Variants in SUCLG2 observed in about 807,000 individuals in gnomAD.
The protein encoded by SUCLG2 is succinate-CoA ligase GDP-forming subunit beta, also known as succinate--CoA ligase [GDP-forming] subunit beta, mitochondrial.
Under a neutral mutation model 47.9 loss-of-function variants are expected in SUCLG2, and 42 were observed. That is an observed-to-expected ratio of 0.88 (90% CI 0.69 to 1.14). The LOEUF is 1.14. Ranked by LOEUF, SUCLG2 falls within the 50% of genes most tolerant of loss-of-function variation. The pLI is 0.00. For missense variants in SUCLG2, 571 were observed against 525.9 expected, an observed-to-expected ratio of 1.09 and a Z score of -0.84; for synonymous variants, 195 against 197.3, an observed-to-expected ratio of 0.99 and a Z score of 0.10.
chr3:67,585,976 A>C (rs1047948150), intron 2 of SUCLG2, among the ~76,000 whole-genome samples: 8 of 87,094 alleles, frequency 9.2e-5, no homozygotes, highest in South Asian at 7.5e-4. Context: ...CAAAAAAAAA[A>C]AAAAAAAAAA....
intron 9 of SUCLG2, 147 bp downstream of exon 9, chr3:67,495,651 C>CA (rs57812170): frequency 0.42 from 270,457 of 649,502 alleles, 24,217 homozygotes; most frequent in Admixed American, 0.51. Context: ...GACTCCGTCT[C>CA]AAAAAAAAAA....
intron 2 of SUCLG2, among the ~76,000 whole-genome samples, chr3:67,568,123 C>T (rs375424286): frequency 1.4e-4 from 21 of 152,278 alleles, no homozygotes; most frequent in African/African-American, 5.1e-4. Context: ...ATTAGAGTCA[C>T]TGAACTGGTT....
chr3:67,410,149 C>G (rs1702903068), intron 9 of SUCLG2, among the ~76,000 whole-genome samples: 1 of 152,146 alleles, frequency 6.6e-6, no homozygotes, highest in Non-Finnish European at 1.5e-5. Flanking sequence ...TGTTCAGGAG[C>G]TGGTATGTTT....
rs571387206 is a variant in SUCLG2, at chr3:67,615,018, CG to C, written c.85-5423del. ...CTTGCCATCATTCCCTTCCTTCCTG[CG>C]TTTCTTTGATAGAGCAAACATTTCT... On this transcript the variant is annotated intron_variant, in intron 1 of 10. Transcript: ENST00000307227. Among the ~76,000 whole-genome samples the C allele has an allele frequency of 1.4e-3, 216 of 152,154 alleles. 3 individuals are homozygous for C. The highest frequency in any genetic ancestry group is 5.1e-3 in the African/African-American group (210 of 41,520).
intron 2 of SUCLG2, among the ~76,000 whole-genome samples, chr3:67,535,555 T>G (rs982980053): frequency 1.1e-4 from 17 of 152,020 alleles, no homozygotes; most frequent in African/African-American, 4.1e-4. Context: ...CCCTTATGAA[T>G]AGATTACCTG....
In SUCLG2 at chr3:67,540,638, T is replaced by C. The variant is rs371350399; in HGVS notation, c.227-11452A>G. Reference sequence around the variant, plus strand: ...GGCACAGCTTCAGCAAACTTAAAAGTTCCTGCCTCCCGGCTCTGAATAGAG... The same window carrying C: ...GGCACAGCTTCAGCAAACTTAAAAGCTCCTGCCTCCCGGCTCTGAATAGAG... On this transcript the variant is annotated intron_variant, in intron 2 of 10. Coordinates refer to ENST00000307227, the MANE Select transcript of SUCLG2 (RefSeq NM_003848.4). Among the ~76,000 whole-genome samples the C allele has an allele frequency of 7.2e-5, 11 of 152,280 alleles. No homozygotes were observed. The South Asian group carries it at 2.3e-3, about 32-fold the overall frequency.
At chr3:67,512,915 C>G (rs1233072135) in intron 6 of SUCLG2, among the ~76,000 whole-genome samples, 1 of 150,514 alleles carries the variant, frequency 6.6e-6, no homozygotes, top group Non-Finnish European at 1.5e-5. Flanking sequence ...ACACACACCC[C>G]CCTCTATATA....
At chr3:67,632,367 G>C (rs1700942443) in intron 1 of SUCLG2, among the ~76,000 whole-genome samples, 1 of 152,088 alleles carries the variant, frequency 6.6e-6, no homozygotes, top group African/African-American at 2.4e-5. Context: ...ATTTTTAGTA[G>C]AAGCGGGGTT....
chr3:67,487,986 C>T (rs1181107634), intron 9 of SUCLG2, among the ~76,000 whole-genome samples: 1 of 151,704 alleles, frequency 6.6e-6, no homozygotes, highest in Non-Finnish European at 1.5e-5. Flanking sequence ...ACCATTCCGC[C>T]ACTGAAAATG....
intron 9 of SUCLG2, among the ~76,000 whole-genome samples, chr3:67,406,946 A>T (rs1451861905): frequency 6.6e-6 from 1 of 152,222 alleles, no homozygotes; most frequent in Non-Finnish European, 1.5e-5. Flanking sequence ...ACACTGTTTC[A>T]CCACAGCACA....
At chr3:67,498,619 T>A (rs1313148212) in intron 7 of SUCLG2, among the ~76,000 whole-genome samples, 2 of 152,158 alleles carry the variant, frequency 1.3e-5, no homozygotes, top group Admixed American at 6.5e-5. Context: ...GATTCATTAT[T>A]TTTATTATAT....
chr3:67,429,034 A>G (rs2106879064), intron 9 of SUCLG2, among the ~76,000 whole-genome samples: 1 of 152,336 alleles, frequency 6.6e-6, no homozygotes, highest in East Asian at 1.9e-4. Context: ...TCTTCAGGAC[A>G]TTACCCAGAA....
chr3:67,454,925 GC>G lies in SUCLG2; in HGVS notation c.1062+40872del, dbSNP rs540085231. The stretch of plus-strand genomic sequence containing the variant: ...TGTAGTGAGCAGAGATGGCGCCACT[GC>G]ACTCCAGCCTGGGCGACAGAGTGAG... On this transcript the variant is annotated intron_variant, in intron 9 of 10. Transcript: ENST00000307227. 7.2e-3 allele frequency among the ~76,000 whole-genome samples: 1,038 copies of G among 143,642 alleles called. 15 individuals carry two copies. The highest frequency in any genetic ancestry group is 0.026 in the African/African-American group (981 of 38,096). 94.2% of individuals were successfully genotyped at this position (143,642 alleles called of 152,430 possible).
intron 2 of SUCLG2, among the ~76,000 whole-genome samples, chr3:67,544,512 T>C (rs138685926): frequency 0.019 from 2,954 of 152,284 alleles, 106 homozygotes; most frequent in African/African-American, 0.067. Context: ...GATTGTAAGT[T>C]TCCTGAGGCC....
intron 2 of SUCLG2, among the ~76,000 whole-genome samples, chr3:67,590,609 C>T (rs1404729773): frequency 6.6e-6 from 1 of 152,202 alleles, no homozygotes; most frequent in Non-Finnish European, 1.5e-5. Context: ...TCCTGCTTTG[C>T]CTTCTGCCAT....
At chr3:67,599,719 CAA>C (rs11341706) in intron 2 of SUCLG2, among the ~76,000 whole-genome samples, 5,935 of 120,556 alleles carry the variant, frequency 0.049, 143 homozygotes, top group Middle Eastern at 0.079. Flanking sequence ...AGCCTGAAGA[CAA>C]AAAAAAAAAA....
chr3:67,506,404 T>C (rs949548759), intron 7 of SUCLG2, among the ~76,000 whole-genome samples: 2 of 152,204 alleles, frequency 1.3e-5, no homozygotes, highest in African/African-American at 4.8e-5. Flanking sequence ...TAACTAAAGA[T>C]AATTTTGCTC....
intron 10 of SUCLG2, among the ~76,000 whole-genome samples, chr3:67,378,614 C>A (rs570484995): frequency 6.6e-6 from 1 of 152,148 alleles, no homozygotes; most frequent in Non-Finnish European, 1.5e-5. Context: ...TTGTGAGAGA[C>A]CCTGAGTGAG....
chr3:67,516,463 C>T (rs961290076), intron 6 of SUCLG2, among the ~76,000 whole-genome samples: 4 of 152,184 alleles, frequency 2.6e-5, no homozygotes, highest in Non-Finnish European at 4.4e-5. Flanking sequence ...CTAGAACTCT[C>T]TATTATGTTC....
Sources: gnomAD v4.1 joint callset for allele counts (sites outside exome capture counted in the v4.1 genomes callset) on GRCh38, gnomAD v4.1.1 for gene constraint, MANE v1.5 for transcripts, NCBI Gene and HGNC (gene_info 2026-07-23, HGNC 2026-07-21) for gene names.